SLC28A1: variants seen among roughly 807,000 people sequenced by gnomAD.
The protein encoded by SLC28A1 is sodium/nucleoside cotransporter 1.
In SLC28A1, 64 loss-of-function variants were observed where a neutral mutation model predicts 74.8. The observed-to-expected ratio is 0.86, with a 90% CI of 0.70 to 1.05. The LOEUF (loss-of-function observed/expected upper bound fraction) is 1.05. Among genes scored for constraint, SLC28A1 ranks in the 50% least tolerant of loss-of-function variants. The probability of loss-of-function intolerance (pLI) is 0.00; values close to 1 mark genes in which losing one functional copy is unlikely to be tolerated. For missense variants in SLC28A1, 828 were observed against 822.8 expected (o/e 1.01, Z -0.08); for synonymous variants, 359 against 335.0 (o/e 1.07, Z -0.78).
At chr15:84,909,256 A>C (rs1967781021) in intron 9 of SLC28A1, among the ~76,000 whole-genome samples, 1 of 152,126 alleles carries the variant, frequency 6.6e-6, no homozygotes, top group Non-Finnish European at 1.5e-5. Flanking sequence ...CACCTCTGCC[A>C]GGAAGCCAGC....
chr15:84,887,675 C>A (rs987770565), intron 2 of SLC28A1, 70 bp from the exon 3 acceptor site: 59 of 1,582,980 alleles, frequency 3.7e-5, no homozygotes, highest in Non-Finnish European at 4.7e-5. Flanking sequence ...CTCCCCTTTC[C>A]CCGGGCCCCT....
the SLC28A1 span, among the ~76,000 whole-genome samples, chr15:84,971,028 C>G: frequency 6.6e-6 from 1 of 152,266 alleles, no homozygotes; most frequent in Admixed American, 6.5e-5. Flanking sequence ...GCTGCAGGTT[C>G]AAATGCCATC....
Position 84,944,773 on chromosome 15 carries a change from A to AG in SLC28A1, c.1786dup (p.Ala596GlyfsTer2). ...CTCTACAGGGATCCTCTACATGCCC[A>AG]GGGGGGCTGAAGTTGACTGCATGTC... is the stretch of plus-strand genomic sequence containing the variant. On this transcript the variant is annotated frameshift_variant, in exon 18 of 19. Coordinates refer to ENST00000394573, the MANE Select transcript of SLC28A1 (RefSeq NM_004213.5). LOFTEE classifies it high-confidence loss of function. The AG allele has an allele frequency of 1.9e-6, 3 of 1,613,404 alleles. No homozygotes were observed. Among genetic ancestry groups the AG allele is most frequent in the Non-Finnish European group, 2.5e-6 (3 of 1,179,382 alleles).
In SLC28A1 at chr15:84,945,161, C is replaced by T. The variant is rs1460348658; in HGVS notation, c.1911C>T (p.Asn637=). ...NPEFSPEALD[N]CCRFYNHTIC... is the part of the protein sequence containing the mutation. ...AGTTCAGCCCAGAGGCCCTGGACAA[C>T]TGCTGTCGGTTTTACAACCACACGA... The change falls in exon 19 of 19, where the codon AAC becomes AAT. Residue 637 remains asparagine (N), a synonymous_variant. Coordinates refer to ENST00000394573, the MANE Select transcript of SLC28A1 (RefSeq NM_004213.5). 1.9e-6 allele frequency: 3 copies of T among 1,614,130 alleles called. No homozygotes were observed. Among genetic ancestry groups the T allele is most frequent in the South Asian group, 1.1e-5 (1 of 91,086 alleles).
chr15:84,952,842 G>C, the SLC28A1 span, among the ~76,000 whole-genome samples: 3 of 152,196 alleles, frequency 2.0e-5, no homozygotes, highest in African/African-American at 7.2e-5. Flanking sequence ...CTGGAGAACA[G>C]AGTGAGACCC....
chr15:84,966,337 G>A, the SLC28A1 span, among the ~76,000 whole-genome samples: 1 of 152,102 alleles, frequency 6.6e-6, no homozygotes, highest in Non-Finnish European at 1.5e-5. Flanking sequence ...AAAGTGCTGG[G>A]ATTACAGGTG....
rs1416275909 is a variant in SLC28A1, at chr15:84,884,663, A to G, written c.-221A>G. The G allele has an allele frequency of 2.0e-6, 2 of 975,952 alleles. No individual in the cohort carries two copies. Among genetic ancestry groups the G allele is most frequent in the African/African-American group, 3.5e-5 (2 of 57,010 alleles). The allele number at this position is 975,952 out of a possible 1,614,324, so 60.5% of individuals were successfully genotyped here. On this transcript the variant is annotated 5_prime_UTR_variant, in exon 1 of 19. Transcript: ENST00000394573. ...CCTTGTTGTAGAGATTAGGGCCCAC[A>G]ACGATGTGAAGGTTATAAGCTGCAC...
At chr15:84,885,731 CA>C (rs34688568) in intron 1 of SLC28A1, among the ~76,000 whole-genome samples, 137 of 104,368 alleles carry the variant, frequency 1.3e-3, no homozygotes, top group South Asian at 1.7e-3. Context: ...AACTCCGTCT[CA>C]AAAAAAAAAA....
chr15:84,943,708 C>A (rs1972979419), intron 16 of SLC28A1, among the ~76,000 whole-genome samples, 182 bp downstream of exon 16: 1 of 152,052 alleles, frequency 6.6e-6, no homozygotes, highest in Non-Finnish European at 1.5e-5. Flanking sequence ...GTGGGTGGAT[C>A]ATTTGAGGCC....
chr15:84,945,054 G>A, intron 18 of SLC28A1, 71 bp from the exon 19 acceptor site: 3 of 1,394,414 alleles, frequency 2.2e-6, no homozygotes, highest in East Asian at 2.3e-5. Flanking sequence ...TGTTCCCGGT[G>A]TTGCACAGCC....
At chr15:84,947,706 C>G (rs1192747961), downstream of SLC28A1, among the ~76,000 whole-genome samples, 1 of 152,156 alleles carries the variant, frequency 6.6e-6, no homozygotes, top group Non-Finnish European at 1.5e-5. Context: ...TAATGAGATC[C>G]CTGGGGCCTC....
intron 9 of SLC28A1, among the ~76,000 whole-genome samples, chr15:84,914,165 G>A (rs62021375): frequency 0.23 from 34,669 of 152,066 alleles, 5,290 homozygotes; most frequent in Middle Eastern, 0.39. Flanking sequence ...GCCGAGGCTG[G>A]TCTTGAACTC....
intron 10 of SLC28A1, 138 bp downstream of exon 10, chr15:84,918,742 C>T (rs549975199): frequency 3.7e-5 from 28 of 747,712 alleles, no homozygotes; most frequent in South Asian, 3.5e-4. Flanking sequence ...CTTCCAGAGT[C>T]CCCTGTTCCC....
At chr15:84,888,916 A>G (rs1044101892) in intron 4 of SLC28A1, 56 bp downstream of exon 4, 1 of 1,267,268 alleles carries the variant, frequency 7.9e-7, no homozygotes, top group African/African-American at 1.5e-5. Flanking sequence ...GCTTGGGAAC[A>G]GGATGGGGAG....
At chr15:84,895,584 C>T in intron 6 of SLC28A1, 2 of 1,519,580 alleles carry the variant, frequency 1.3e-6, no homozygotes, top group Non-Finnish European at 8.8e-7. Flanking sequence ...AGATCTGCTG[C>T]TTTTCAAACT....
chr15:84,953,633 G>A, the SLC28A1 span, among the ~76,000 whole-genome samples: 1 of 152,182 alleles, frequency 6.6e-6, no homozygotes, highest in Admixed American at 6.5e-5. Context: ...GAGACAGGAG[G>A]ATTGCTTGAG....
At chr15:84,954,665 G>C in the SLC28A1 span, among the ~76,000 whole-genome samples, 1 of 152,174 alleles carries the variant, frequency 6.6e-6, no homozygotes, top group African/African-American at 2.4e-5. Context: ...GTTCTGTTTG[G>C]TTTTAATGCC....
chr15:84,955,920 C>A, the SLC28A1 span, among the ~76,000 whole-genome samples: 2 of 152,120 alleles, frequency 1.3e-5, no homozygotes, highest in Non-Finnish European at 2.9e-5. Flanking sequence ...GGATCCACAG[C>A]GAACCCCCAA....
At chr15:84,900,822 C>G (rs541724105) in intron 6 of SLC28A1, among the ~76,000 whole-genome samples, 26 of 147,828 alleles carry the variant, frequency 1.8e-4, no homozygotes, top group African/African-American at 5.6e-4. Context: ...TCAAAAAAGA[C>G]AGACAGAAAG....
Sources: gnomAD v4.1 joint callset for allele counts (sites outside exome capture counted in the v4.1 genomes callset) on GRCh38, gnomAD v4.1.1 for gene constraint, MANE v1.5 for transcripts, NCBI Gene and HGNC (gene_info 2026-07-23, HGNC 2026-07-21) for gene names.